ZNF407: variants seen among roughly 807,000 people sequenced by gnomAD.
ZNF407 encodes zinc finger protein 407.
In ZNF407, 17 loss-of-function variants were observed where a neutral mutation model predicts 131.2. That is an observed-to-expected ratio of 0.13 (90% CI 0.09 to 0.19). The LOEUF (loss-of-function observed/expected upper bound fraction) is 0.19, where lower values mean the gene tolerates loss of function less well. ZNF407 is among the 10% of genes least tolerant of loss of function. The probability of loss-of-function intolerance (pLI) is 1.00; values close to 1 mark genes in which losing one functional copy is unlikely to be tolerated. For missense variants in ZNF407, 2,681 were observed against 2,830.6 expected (o/e 0.95, Z 1.20); for synonymous variants, 1,156 against 1,062.0 (o/e 1.09, Z -1.72).
chr18:74,872,987 CT>C (rs1318841143), intron 4 of ZNF407, among the ~76,000 whole-genome samples: 1 of 151,174 alleles, frequency 6.6e-6, no homozygotes, highest in African/African-American at 2.5e-5. Flanking sequence ...AAAAAGCCAC[CT>C]TTTTAGGATA....
At chr18:74,943,340 T>C (rs1219202854) in intron 8 of ZNF407, among the ~76,000 whole-genome samples, 1 of 152,268 alleles carries the variant, frequency 6.6e-6, no homozygotes, top group Admixed American at 6.5e-5. Context: ...ATTGCAGTTC[T>C]CTTTCTTACA....
At chr18:74,910,675 C>T (rs889511073) in intron 7 of ZNF407, among the ~76,000 whole-genome samples, 2 of 152,118 alleles carry the variant, frequency 1.3e-5, no homozygotes, top group East Asian at 1.9e-4. Context: ...AATTAATCGC[C>T]ACTTTCATTC....
At chr18:74,768,472 A>T (rs1049571412) in intron 3 of ZNF407, among the ~76,000 whole-genome samples, 4 of 152,244 alleles carry the variant, frequency 2.6e-5, no homozygotes, top group Admixed American at 2.6e-4. Context: ...TTGGTGTTTT[A>T]TTCCTTGACA....
intron 3 of ZNF407, among the ~76,000 whole-genome samples, chr18:74,647,001 A>G (rs1249046625): frequency 1.3e-5 from 2 of 152,238 alleles, no homozygotes; most frequent in Non-Finnish European, 2.9e-5. Flanking sequence ...GAAATAAACT[A>G]AATATTATCA....
intron 3 of ZNF407, among the ~76,000 whole-genome samples, chr18:74,763,705 A>ATTTTTTTTTTTTT (rs11340257): frequency 1.4e-5 from 1 of 70,228 alleles, no homozygotes; most frequent in African/African-American, 5.2e-5. Context: ...CTTATCTTTG[A>ATTTTTTTTTTTTT]TTTTTTTTTT....
chr18:75,008,014 A>G (rs1413473177), intron 8 of ZNF407, among the ~76,000 whole-genome samples: 1 of 152,112 alleles, frequency 6.6e-6, no homozygotes, highest in Non-Finnish European at 1.5e-5. Context: ...GCTCAAGGGG[A>G]ATAAGTTTAG....
chr18:74,860,675 T>G (rs905336713), intron 4 of ZNF407, among the ~76,000 whole-genome samples: 1 of 152,112 alleles, frequency 6.6e-6, no homozygotes, highest in Non-Finnish European at 1.5e-5. Context: ...GTGTGTTAAT[T>G]CTGTAATTTT....
chr18:74,813,722 C>T (rs752404913), intron 4 of ZNF407, among the ~76,000 whole-genome samples: 3 of 152,186 alleles, frequency 2.0e-5, no homozygotes, highest in Non-Finnish European at 4.4e-5. Flanking sequence ...TGTCCGCCTC[C>T]TCCTCTAATT....
At chr18:74,943,375 T>A (rs951937121) in intron 8 of ZNF407, among the ~76,000 whole-genome samples, 1 of 152,212 alleles carries the variant, frequency 6.6e-6, no homozygotes, top group South Asian at 2.1e-4. Context: ...TGTGAAGCAT[T>A]TATTTTCCAT....
At chr18:74,684,881 T>G (rs1445405210) in intron 3 of ZNF407, among the ~76,000 whole-genome samples, 2 of 152,222 alleles carry the variant, frequency 1.3e-5, no homozygotes, top group African/African-American at 4.8e-5. Flanking sequence ...TTTTATGGCC[T>G]TTGGAGGAAA....
chr18:74,633,761 A>G lies in ZNF407; in HGVS notation c.2742A>G (p.Lys914=), dbSNP rs761060693. The G allele has an allele frequency of 1.9e-6, 3 of 1,613,886 alleles. No individual in the cohort carries two copies. Among genetic ancestry groups the G allele is most frequent in the South Asian group, 2.2e-5 (2 of 91,080 alleles). ...GGGTAGAAATAGAAGCAAGTGGAAA[A>G]CACAGTTCAGATATCATTGTTGGCC... is the stretch of plus-strand genomic sequence containing the variant. ...KGRVEIEASG[K]HSSDIIVGPE... The change falls in exon 2 of 9, where the codon AAA becomes AAG. Residue 914 remains lysine (K), a synonymous_variant. Coordinates refer to ENST00000299687, the MANE Select transcript of ZNF407 (RefSeq NM_017757.3).
chr18:74,996,608 A>C (rs552318526), intron 8 of ZNF407, among the ~76,000 whole-genome samples: 1 of 152,312 alleles, frequency 6.6e-6, no homozygotes, highest in South Asian at 2.1e-4. Flanking sequence ...CGAATATGGG[A>C]TGTAGAATTA....
At chr18:74,647,483 A>G (rs778419974) in intron 3 of ZNF407, among the ~76,000 whole-genome samples, 7 of 151,964 alleles carry the variant, frequency 4.6e-5, no homozygotes, top group Admixed American at 2.0e-4. Flanking sequence ...GGATTCTGTA[A>G]CCTTCCTGAT....
intron 8 of ZNF407, among the ~76,000 whole-genome samples, chr18:74,972,409 C>T (rs945051503): frequency 6.6e-6 from 1 of 152,206 alleles, no homozygotes; most frequent in Non-Finnish European, 1.5e-5. Context: ...CTTAAATCTG[C>T]TCTTCCTCCT....
At chr18:74,598,458 C>T (rs1022893802) in intron 1 of ZNF407, 8 of 152,354 alleles carry the variant, frequency 5.3e-5, no homozygotes, top group African/African-American at 1.9e-4. Flanking sequence ...ACAGATGCTC[C>T]CCTAGCTGCA....
intron 4 of ZNF407, among the ~76,000 whole-genome samples, chr18:74,837,062 A>G (rs1228609407): frequency 6.6e-6 from 1 of 152,202 alleles, no homozygotes; most frequent in East Asian, 1.9e-4. Context: ...AAATAGTGGG[A>G]CAAAAGACAA....
At chr18:75,038,279 T>A (rs998098186) in intron 8 of ZNF407, among the ~76,000 whole-genome samples, 32 of 152,238 alleles carry the variant, frequency 2.1e-4, no homozygotes, top group African/African-American at 7.5e-4. Context: ...AATAAGCTGC[T>A]CCCAGGAGCT....
chr18:75,043,987 A>G (rs967284631), intron 8 of ZNF407, among the ~76,000 whole-genome samples: 2 of 152,204 alleles, frequency 1.3e-5, no homozygotes, highest in Non-Finnish European at 2.9e-5. Context: ...AATTATTCTA[A>G]TTACCTTTAA....
intron 8 of ZNF407, among the ~76,000 whole-genome samples, chr18:75,040,608 C>T (rs1308020973): frequency 2.0e-5 from 3 of 152,156 alleles, no homozygotes; most frequent in African/African-American, 7.2e-5. Flanking sequence ...ATTCTGAGCT[C>T]ATTAATAACT....
Sources: gnomAD v4.1 joint callset for allele counts (sites outside exome capture counted in the v4.1 genomes callset) on GRCh38, gnomAD v4.1.1 for gene constraint, MANE v1.5 for transcripts, NCBI Gene and HGNC (gene_info 2026-07-23, HGNC 2026-07-21) for gene names.